Variants in PDK1 observed in about 807,000 individuals in gnomAD.
PDK1 encodes the protein pyruvate dehydrogenase kinase 1.
PDK1 carries 39 observed loss-of-function variants against 54.2 expected under a neutral mutation model. The ratio of observed to expected loss-of-function variants is 0.72; its 90% CI spans 0.56 to 0.94. The LOEUF is 0.94. Among genes scored for constraint, PDK1 ranks in the 40% least tolerant of loss-of-function variants. The pLI is 0.00. For missense variants in PDK1, 552 were observed against 566.0 expected, an observed-to-expected ratio of 0.98 and a Z score of 0.25; for synonymous variants, 221 against 207.1, an observed-to-expected ratio of 1.07 and a Z score of -0.58.
At chr2:172,575,519 A>G (rs1048638286) in intron 8 of PDK1, among the ~76,000 whole-genome samples, 35 of 152,302 alleles carry the variant, frequency 2.3e-4, no homozygotes, top group Middle Eastern at 3.4e-3. Context: ...ATGGATAGCT[A>G]TTTATAAATA....
chr2:172,656,127 G>C, the PDK1 span, among the ~76,000 whole-genome samples: 22,518 of 151,962 alleles, frequency 0.15, 2,926 homozygotes, highest in East Asian at 0.53. Context: ...TAAGACCTGA[G>C]ATTATCCTCA....
chr2:172,663,924 C>T, the PDK1 span, among the ~76,000 whole-genome samples: 1 of 150,896 alleles, frequency 6.6e-6, no homozygotes, highest in African/African-American at 2.4e-5. Context: ...CTTCAGCCTC[C>T]TAAATAGCTG....
At chr2:172,571,823 C>CGTTTTT (rs765005051) in intron 8 of PDK1, among the ~76,000 whole-genome samples, 1,461 of 99,730 alleles carry the variant, frequency 0.015, 199 homozygotes, top group African/African-American at 0.027. Flanking sequence ...TCTTTCTTTA[C>CGTTTTT]TTTTTTTTTT....
At chr2:172,669,012 T>G in the PDK1 span, among the ~76,000 whole-genome samples, 1 of 148,012 alleles carries the variant, frequency 6.8e-6, no homozygotes, top group African/African-American at 2.5e-5. Flanking sequence ...TAATGTCCCC[T>G]AGCTTCATCC....
intron 5 of PDK1, 43 bp from the exon 6 acceptor site, chr2:172,566,813 A>G (rs370284335): frequency 1.6e-6 from 2 of 1,273,256 alleles, no homozygotes; most frequent in Middle Eastern, 2.0e-4. Flanking sequence ...AAAGAGAAGT[A>G]TATTTATTAA....
chr2:172,645,260 C>CTTTTTTTTTTTTTTTTTTT, the PDK1 span, among the ~76,000 whole-genome samples: 2 of 51,144 alleles, frequency 3.9e-5, 1 homozygote, highest in East Asian at 1.8e-3. Flanking sequence ...ACAAAATAGG[C>CTTTTTTTTTTTTTTTTTTT]TTTTTTTTTT....
chr2:172,704,141 C>T, the PDK1 span, among the ~76,000 whole-genome samples: 1 of 152,134 alleles, frequency 6.6e-6, no homozygotes, highest in Non-Finnish European at 1.5e-5. Context: ...GGTTTAAGAG[C>T]ATGTTCTCAC....
At chr2:172,594,408 G>A (rs150962620) in intron 10 of PDK1, among the ~76,000 whole-genome samples, 1 of 152,204 alleles carries the variant, frequency 6.6e-6, no homozygotes, top group East Asian at 1.9e-4. Flanking sequence ...GGCCACAGTG[G>A]AAGAACAGCT....
chr2:172,610,664 G>T (rs1054190063), downstream of PDK1, among the ~76,000 whole-genome samples: 6 of 152,068 alleles, frequency 3.9e-5, no homozygotes, highest in Non-Finnish European at 1.5e-5. Flanking sequence ...AGGCTGGAGT[G>T]CAGTGGTGCA....
At chr2:172,650,570 A>G in the PDK1 span, among the ~76,000 whole-genome samples, 1 of 152,168 alleles carries the variant, frequency 6.6e-6, no homozygotes, top group South Asian at 2.1e-4. Context: ...TTAGTGTGCT[A>G]TATTCAGGAG....
In PDK1 at chr2:172,607,307, TAGTA is replaced by T. The variant is rs1691329395; in HGVS notation, c.*11342_*11345del. The T allele has an allele frequency of 6.6e-6, 1 of 152,196 alleles. No homozygotes were observed. The highest frequency in any genetic ancestry group is 6.5e-5 in the Admixed American group (1 of 15,274). 9.4% of individuals were successfully genotyped at this position (152,196 alleles called of 1,614,324 possible). On this transcript the variant is annotated 3_prime_UTR_variant, in exon 11 of 11. Coordinates refer to ENST00000282077, the MANE Select transcript of PDK1 (RefSeq NM_002610.5). ...TTGCTTCTAAAACAAAAATTTGAAA[TAGTA>T]AGTGCTTTGATTTTTTTTAATATAG...
the PDK1 span, among the ~76,000 whole-genome samples, chr2:172,693,648 T>G: frequency 2.0e-5 from 3 of 152,030 alleles, no homozygotes; most frequent in African/African-American, 7.2e-5. Flanking sequence ...GACAAACCTG[T>G]TTTTGCTTTT....
At chr2:172,707,922 A>G in the PDK1 span, among the ~76,000 whole-genome samples, 36 of 152,370 alleles carry the variant, frequency 2.4e-4, no homozygotes, top group Middle Eastern at 3.4e-3. Flanking sequence ...ACTAACTATG[A>G]CAATTCTCCA....
chr2:172,718,145 A>G, the PDK1 span, among the ~76,000 whole-genome samples: 1 of 152,210 alleles, frequency 6.6e-6, no homozygotes, highest in Non-Finnish European at 1.5e-5. Context: ...TAAGAATGTA[A>G]AATTTGTAAT....
At chr2:172,680,099 C>T in the PDK1 span, among the ~76,000 whole-genome samples, 3 of 152,068 alleles carry the variant, frequency 2.0e-5, no homozygotes, top group Admixed American at 2.0e-4. Context: ...TTTTCTTGAC[C>T]CCCAAGTTCA....
intron 2 of PDK1, 128 bp downstream of exon 2, chr2:172,558,977 C>T: frequency 1.0e-6 from 1 of 965,176 alleles, no homozygotes. Flanking sequence ...GAGACGGAGT[C>T]TTGCTCTGTC....
At chr2:172,690,793 T>C in the PDK1 span, among the ~76,000 whole-genome samples, 3 of 147,124 alleles carry the variant, frequency 2.0e-5, no homozygotes, top group African/African-American at 7.4e-5. Flanking sequence ...TAGATGGGAA[T>C]TGAACAATGA....
At chr2:172,620,649 T>C in the PDK1 span, among the ~76,000 whole-genome samples, 1 of 152,180 alleles carries the variant, frequency 6.6e-6, no homozygotes, top group Non-Finnish European at 1.5e-5. Context: ...GGATTTCTTA[T>C]GAATAGTGTA....
chr2:172,695,902 G>A, the PDK1 span, among the ~76,000 whole-genome samples: 1 of 152,140 alleles, frequency 6.6e-6, no homozygotes, highest in African/African-American at 2.4e-5. Context: ...GCTGGGTGTG[G>A]TGGCTTATGC....
Sources: allele counts gnomAD v4.1 joint callset (sites outside exome capture counted in the v4.1 genomes callset), GRCh38; gene constraint gnomAD v4.1.1; transcripts MANE v1.5; gene names NCBI Gene and HGNC (gene_info 2026-07-23, HGNC 2026-07-21).